The following PLEC variants were observed in gnomAD, a reference collection of about 807,000 sequenced individuals.
The protein encoded by PLEC is plectin, also known as hemidesmosomal protein 1.
In PLEC, 216 loss-of-function variants were observed where a neutral mutation model predicts 392.8. That is an observed-to-expected ratio of 0.55 (90% CI 0.49 to 0.62). The LOEUF is 0.62. Ranked by LOEUF, PLEC falls within the 20% of genes least tolerant of loss-of-function variation. PLEC has a pLI of 0.00. For missense variants in PLEC, 6,863 were observed against 6,563.4 expected (o/e 1.05, Z -1.58); for synonymous variants, 3,621 against 2,980.6 (o/e 1.21, Z -7.00).
chr8:143,932,161 C>A lies in PLEC; in HGVS notation c.2051G>T (p.Arg684Leu). ...ELQNAGDRLL[R>L]EDHPARPTVE... The stretch of plus-strand genomic sequence containing the variant: ...CGTGGGCCGGGCCGGGTGGTCCTCC[C>A]GCAGCAGCCGGTCCCCAGCATTTTG... Residue 684 changes from arginine to leucine, a missense_variant, in exon 17 of 32, where the codon CGG (arginine) becomes CTG (leucine). Physicochemically the swap from Arg to Leu is moderately radical, Grantham distance 102. Coordinates refer to ENST00000345136, the MANE Select transcript of PLEC (RefSeq NM_201384.3). 1.2e-6 allele frequency: 2 copies of A among 1,611,944 alleles called. No homozygotes were observed. The highest frequency in any genetic ancestry group is 1.1e-5 in the South Asian group (1 of 91,076).
chr8:143,933,982 C>T lies in PLEC; in HGVS notation c.1263+16G>A. On this transcript the variant is annotated intron_variant, in intron 12 of 31. Coordinates refer to ENST00000345136, the MANE Select transcript of PLEC (RefSeq NM_201384.3). Reference sequence around the variant, plus strand: ...CGGCCTCCCTCCCGCCCACTGCCTGCCCCACACCCCCTCACCGACTGCAGC... The same window carrying T: ...CGGCCTCCCTCCCGCCCACTGCCTGTCCCACACCCCCTCACCGACTGCAGC... 6.3e-7 allele frequency: 1 copy of T among 1,594,758 alleles called. No individual in the cohort carries two copies. Among genetic ancestry groups the T allele is most frequent in the Non-Finnish European group, 8.5e-7 (1 of 1,173,214 alleles).
chr8:143,919,131 T>G lies in PLEC; in HGVS notation c.10690A>C (p.Arg3564=). ...TTQVYTEEET[R]RAFEETQIDI... ...ATCTGTGTCTCTTCAAATGCCCTTCTTGTCTCCTCCTCAGTGTACACCTGC... is the reference window on the plus strand; with the variant it reads ...ATCTGTGTCTCTTCAAATGCCCTTCGTGTCTCCTCCTCAGTGTACACCTGC... Residue 3564 remains arginine, a synonymous_variant, in exon 32 of 32, where the codon AGA becomes CGA. Coordinates refer to ENST00000345136, the MANE Select transcript of PLEC (RefSeq NM_201384.3). 6.2e-7 allele frequency: 1 copy of G among 1,613,264 alleles called. No homozygotes were observed. The highest frequency in any genetic ancestry group is 8.5e-7 in the Non-Finnish European group (1 of 1,180,020).
chr8:143,929,401 G>T lies in PLEC; in HGVS notation c.3081+13C>A. 1 of 1,561,054 alleles carries T rather than the reference G, an allele frequency of 6.4e-7. No homozygotes were observed. The highest frequency in any genetic ancestry group is 1.9e-5 in the Admixed American group (1 of 52,674). On this transcript the variant is annotated intron_variant, in intron 24 of 31. Coordinates refer to ENST00000345136, the MANE Select transcript of PLEC (RefSeq NM_201384.3). ...GAGAGGGATGGGACTGGATGGGGGG[G>T]GACGGCCCCTGCCTGCTGCTCGGCG...
At chr8:143,933,738 G>A (rs1178228687) in intron 12 of PLEC, among the ~76,000 whole-genome samples, 3 of 152,210 alleles carry the variant, frequency 2.0e-5, no homozygotes, top group African/African-American at 7.2e-5. Context: ...TCGGGGAGGG[G>A]GCCTGGCGGG....
At position 143,924,864 on chromosome 8, in the gene PLEC, G is replaced by T; in HGVS notation, c.5065C>A (p.Leu1689Met). Residue 1689 changes from leucine (L) to methionine (M), a missense_variant, in exon 31 of 32, where the codon CTG becomes ATG. Physicochemically the swap from Leu to Met is conservative, Grantham distance 15. Transcript: ENST00000345136. ...TGCTTCTCCAGCTCTTGTTCAGCCA[G>T]CTCCCGCTGCCGGACGGCCTGCTCC... is the stretch of plus-strand genomic sequence containing the variant. ...AEEQAVRQRELAEQELEKQRQ... is the reference protein window; with the variant it reads ...AEEQAVRQREMAEQELEKQRQ... The T allele has an allele frequency of 6.3e-7, 1 of 1,587,792 alleles. No homozygotes were observed. Among genetic ancestry groups the T allele is most frequent in the Non-Finnish European group, 8.5e-7 (1 of 1,174,708 alleles).
chr8:143,946,392 T>C (rs1564201607), intron 1 of PLEC: 22 of 1,288,386 alleles, frequency 1.7e-5, no homozygotes, highest in Non-Finnish European at 2.1e-5. Context: ...TACCTGTCCA[T>C]GGCTGCCACA....
chr8:143,973,295 A>G lies in PLEC; in HGVS notation c.70+108T>C. The G allele has an allele frequency of 1.5e-6, 2 of 1,357,398 alleles. No homozygotes were observed. Among genetic ancestry groups the G allele is most frequent in the Non-Finnish European group, 2.0e-6 (2 of 994,876 alleles). The allele number at this position is 1,357,398 out of a possible 1,614,324, so 84.1% of individuals were successfully genotyped here. A position where few individuals can be genotyped will look rare whatever the true frequency, so the allele number is the denominator to read the frequency against. On this transcript the variant is annotated intron_variant, in intron 1 of 31. Transcript: ENST00000356346. The surrounding 1 kb of genome is among the most constrained non-coding windows in gnomAD (Gnocchi z 5.6). ...CGATCCAGGCGGACGAGGCCGGCGG[A>G]GTGGCCGCGCTCGGGCCGGCGATCG...
chr8:143,943,865 G>A (rs782770763), upstream of PLEC: 1 of 1,612,206 alleles, frequency 6.2e-7, no homozygotes. Flanking sequence ...CACCAGGGAG[G>A]GAAACAGGCT....
Position 143,924,855 on chromosome 8 carries a change from G to T in PLEC, c.5074C>A (p.Gln1692Lys). Residue 1692 changes from glutamine to lysine, a missense_variant, in exon 31 of 32, where the codon CAA (glutamine) becomes AAA (lysine). Physicochemically the swap from Gln to Lys is moderately conservative, Grantham distance 53. Transcript: ENST00000345136. ...AGCTGCCGCTGCTTCTCCAGCTCTTGTTCAGCCAGCTCCCGCTGCCGGACG... is the reference window on the plus strand; with the variant it reads ...AGCTGCCGCTGCTTCTCCAGCTCTTTTTCAGCCAGCTCCCGCTGCCGGACG... ...QAVRQRELAE[Q>K]ELEKQRQLAE... is the part of the protein sequence containing the mutation. The T allele has an allele frequency of 6.3e-7, 1 of 1,586,944 alleles. No homozygotes were observed. Among genetic ancestry groups the T allele is most frequent in the Non-Finnish European group, 8.5e-7 (1 of 1,174,322 alleles).
At chr8:143,933,160 T>G in intron 13 of PLEC, 37 bp downstream of exon 13, 1 of 1,609,148 alleles carries the variant, frequency 6.2e-7, no homozygotes, top group Non-Finnish European at 8.5e-7. Context: ...TGGGGCCGTG[T>G]GTACCTGGGC....
At position 143,920,630 on chromosome 8, in the gene PLEC, G is replaced by A. The variant is rs530059869; in HGVS notation, c.9191C>T (p.Thr3064Ile). 58 of 1,606,422 alleles carry A rather than the reference G, an allele frequency of 3.6e-5. No homozygotes were observed. The South Asian group carries it at 5.9e-4, about 16-fold the overall frequency. Residue 3064 changes from threonine (T) to isoleucine (I), a missense_variant, in exon 32 of 32, where the codon ACC (threonine) becomes ATC (isoleucine). Physicochemically the swap from Thr to Ile is moderately conservative, Grantham distance 89 (BLOSUM62 -1). Coordinates refer to ENST00000345136, the MANE Select transcript of PLEC (RefSeq NM_201384.3). ...AVALLEAQAG[T>I]GHIIDPATSA... Reference sequence around the variant, plus strand: ...GGTGGCGGGGTCGATGATGTGCCCGGTGCCGGCCTGGGCTTCCAACAGGGC... The same window carrying A: ...GGTGGCGGGGTCGATGATGTGCCCGATGCCGGCCTGGGCTTCCAACAGGGC...
At position 143,923,650 on chromosome 8, in the gene PLEC, CGCCTCCTCA is replaced by C; in HGVS notation, c.6270_6278del (p.Glu2094_Ala2096del). The C allele has an allele frequency of 1.3e-6, 2 of 1,575,366 alleles. No individual in the cohort carries two copies. Among genetic ancestry groups the C allele is most frequent in the Non-Finnish European group, 1.7e-6 (2 of 1,168,214 alleles). On this transcript the variant is annotated inframe_deletion, in exon 31 of 32. Coordinates refer to ENST00000345136, the MANE Select transcript of PLEC (RefSeq NM_201384.3). ...GCTCCGCCTGCACCCGGGCCTCCTC[CGCCTCCTCA>C]GCCGCCCGCCGGGCCGCCTCCGCCT... is the stretch of plus-strand genomic sequence containing the variant.
Position 143,918,424 on chromosome 8 carries a change from C to T in PLEC, c.11397G>A (p.Leu3799=). The T allele has an allele frequency of 6.3e-7, 1 of 1,575,322 alleles. No homozygotes were observed. Among genetic ancestry groups the T allele is most frequent in the Non-Finnish European group, 8.6e-7 (1 of 1,163,996 alleles). Reference sequence around the variant, plus strand: ...CGCCGGTGGCCAGCTGGGCATCCAGCAGCCGCAGGGCCTCCTCAGTAGGGA... The same window carrying T: ...CGCCGGTGGCCAGCTGGGCATCCAGTAGCCGCAGGGCCTCCTCAGTAGGGA... ...ELIPTEEALR[L]LDAQLATGGI... The change falls in exon 32 of 32, where the codon CTG becomes CTA. Residue 3799 remains leucine, a synonymous_variant. Coordinates refer to ENST00000345136, the MANE Select transcript of PLEC (RefSeq NM_201384.3).
chr8:143,927,940 G>T lies in PLEC; in HGVS notation c.3313C>A (p.Leu1105Ile), dbSNP rs1554709023. The T allele has an allele frequency of 3.7e-6, 6 of 1,603,890 alleles. No homozygotes were observed. Among genetic ancestry groups the T allele is most frequent in the Admixed American group, 1.7e-5 (1 of 58,910 alleles). ...TTGAGCTGCTCCTCGTGGGCCCTGA[G>T]CACCTCCTCGGCCCCCTGCGTGCCG... ...IRGTQGAEEV[L>I]RAHEEQLKEA... is the part of the protein sequence containing the mutation. Residue 1105 changes from leucine (L) to isoleucine (I), a missense_variant, in exon 26 of 32, where the codon CTC becomes ATC. Physicochemically the swap from Leu to Ile is conservative, Grantham distance 5. Coordinates refer to ENST00000345136, the MANE Select transcript of PLEC (RefSeq NM_201384.3).
chr8:143,934,333 C>CG lies in PLEC; in HGVS notation c.1153dup (p.Arg385ProfsTer5). On this transcript the variant is annotated frameshift_variant, in exon 11 of 32. Transcript: ENST00000345136. LOFTEE classifies it high-confidence loss of function. ...CCCCACCCACCTCTCAAACTCGCTG[C>CG]GGAGCTGCTTCTCCCGCTCCAGGAT... 1 of 1,612,366 alleles carries CG rather than the reference C, an allele frequency of 6.2e-7. No individual in the cohort carries two copies. The highest frequency in any genetic ancestry group is 8.5e-7 in the Non-Finnish European group (1 of 1,179,924).
Position 143,920,586 on chromosome 8 carries a change from C to T in PLEC, c.9235G>A (p.Asp3079Asn), listed in dbSNP as rs1554682279. ...DPATSARLTV[D>N]EAVRAGLVGP... Reference sequence around the variant, plus strand: ...ACCAGGCCAGCACGCACTGCCTCGTCCACGGTCAGCCGGGCGCTGGTGGCG... The same window carrying T: ...ACCAGGCCAGCACGCACTGCCTCGTTCACGGTCAGCCGGGCGCTGGTGGCG... The change falls in exon 32 of 32, where the codon GAC becomes AAC. Residue 3079 changes from aspartate to asparagine, a missense_variant. Transcript: ENST00000345136. The T allele has an allele frequency of 6.2e-7, 1 of 1,610,372 alleles. No individual in the cohort carries two copies. Among genetic ancestry groups the T allele is most frequent in the Non-Finnish European group, 8.5e-7 (1 of 1,179,864 alleles).
Position 143,973,503 on chromosome 8 carries a change from G to T in PLEC, c.-31C>A, listed in dbSNP as rs1233362503. ...CGGGCGCGGGGCGCGGGGTGCAGCG[G>T]AGCCTCCAGCACCCGGCGGCCACTC... is the stretch of plus-strand genomic sequence containing the variant. On this transcript the variant is annotated 5_prime_UTR_variant, in exon 1 of 32. Coordinates refer to the PLEC transcript ENST00000356346. This position sits in a 1 kb window ranked among gnomAD's most constrained non-coding sequence, Gnocchi z 5.6. 8 of 1,474,606 alleles carry T rather than the reference G, an allele frequency of 5.4e-6. No individual in the cohort carries two copies. The East Asian group carries it at 2.1e-4, about 38-fold the overall frequency. 91.3% of individuals were successfully genotyped at this position (1,474,606 alleles called of 1,614,324 possible).
rs1330925422 is a variant in PLEC at position 143,931,536 on chromosome 8, G to T, written c.2302C>A (p.Gln768Lys). 4 of 1,588,516 alleles carry T rather than the reference G, an allele frequency of 2.5e-6. No homozygotes were observed. The highest frequency in any genetic ancestry group is 2.3e-5 in the East Asian group (1 of 43,628). Residue 768 changes from glutamine to lysine, a missense_variant and splice_region_variant, in exon 19 of 32, where the codon CAG (glutamine) becomes AAG (lysine). Coordinates refer to ENST00000345136, the MANE Select transcript of PLEC (RefSeq NM_201384.3). ...CCCCTGCACACCCCCTCCCTCACCTGGGCATCCTGCAGCAGGTCCTCCAGC... is the reference window on the plus strand; with the variant it reads ...CCCCTGCACACCCCCTCCCTCACCTTGGCATCCTGCAGCAGGTCCTCCAGC... ...TRLEDLLQDAQDEKEQLNEYK... is the reference protein window; with the variant it reads ...TRLEDLLQDAKDEKEQLNEYK...
chr8:143,963,150 G>T (rs1475986011), intron 1 of PLEC, among the ~76,000 whole-genome samples: 1 of 152,194 alleles, frequency 6.6e-6, no homozygotes, highest in African/African-American at 2.4e-5. Context: ...TTATGAGAAT[G>T]TTTTACCAGC....
Sources: gnomAD v4.1 joint callset for allele counts (sites outside exome capture counted in the v4.1 genomes callset) on GRCh38, gnomAD v4.1.1 for gene constraint, Gnocchi (gnomAD v3.1) non-coding constraint, MANE v1.5 for transcripts, NCBI Gene and HGNC (gene_info 2026-07-23, HGNC 2026-07-21) for gene names.